FAM13A: variants seen among roughly 807,000 people sequenced by gnomAD.
FAM13A encodes protein FAM13A.
Under a neutral mutation model 129.6 loss-of-function variants are expected in FAM13A, and 76 were observed. The ratio of observed to expected loss-of-function variants is 0.59; its 90% confidence interval spans 0.49 to 0.71. The LOEUF is 0.71. Among genes scored for constraint, FAM13A ranks in the 30% least tolerant of loss-of-function variants. The pLI is 0.00. For missense variants in FAM13A, 1,108 were observed against 1,249.3 expected (o/e 0.89, Z 1.70); for synonymous variants, 443 against 449.9 (o/e 0.98, Z 0.20).
chr4:89,052,787 C>A (rs1039018110), intron 1 of FAM13A, among the ~76,000 whole-genome samples: 18 of 152,050 alleles, frequency 1.2e-4, no homozygotes, highest in Non-Finnish European at 2.6e-4. Context: ...TTTTCCAAAT[C>A]TTTAAGTTCT....
intron 18 of FAM13A, 84 bp downstream of exon 18, chr4:88,747,547 A>T: frequency 9.0e-7 from 1 of 1,112,404 alleles, no homozygotes; most frequent in Non-Finnish European, 1.4e-6. Flanking sequence ...TCATCTTCCC[A>T]CTGGGATTCA....
At chr4:88,803,401 T>C (rs1021267215) in intron 8 of FAM13A, among the ~76,000 whole-genome samples, 1 of 152,210 alleles carries the variant, frequency 6.6e-6, no homozygotes, top group East Asian at 1.9e-4. Context: ...AGTAAATATA[T>C]TATTGATTTT....
chr4:88,869,047 C>T (rs1211061027), intron 6 of FAM13A, among the ~76,000 whole-genome samples: 1 of 152,184 alleles, frequency 6.6e-6, no homozygotes, highest in East Asian at 1.9e-4. Flanking sequence ...AGGGCTAGGA[C>T]TCAAACCATT....
chr4:88,829,677 C>G (rs1248645848), intron 7 of FAM13A, among the ~76,000 whole-genome samples: 2 of 152,066 alleles, frequency 1.3e-5, no homozygotes, highest in Non-Finnish European at 2.9e-5. Context: ...TCTGGGCTTA[C>G]AGGACAATAT....
chr4:88,809,110 T>G (rs1187185334), intron 7 of FAM13A, among the ~76,000 whole-genome samples: 2 of 152,178 alleles, frequency 1.3e-5, no homozygotes, highest in African/African-American at 2.4e-5. Flanking sequence ...AGCCACAGAA[T>G]GCAGTGCAAT....
At chr4:89,005,650 A>G (rs942865827) in intron 3 of FAM13A, among the ~76,000 whole-genome samples, 2 of 152,090 alleles carry the variant, frequency 1.3e-5, no homozygotes, top group African/African-American at 4.8e-5. Context: ...TCCAATTTGT[A>G]TTTCTCTAAT....
chr4:88,776,696 C>G (rs557173812), intron 11 of FAM13A, among the ~76,000 whole-genome samples: 1 of 151,998 alleles, frequency 6.6e-6, no homozygotes, highest in South Asian at 2.1e-4. Flanking sequence ...ACCTAGTGGC[C>G]GAGTGTGGTG....
intron 6 of FAM13A, among the ~76,000 whole-genome samples, chr4:88,888,692 G>A (rs529668326): frequency 2.6e-5 from 4 of 151,918 alleles, no homozygotes; most frequent in South Asian, 4.2e-4. Context: ...TTGGGAGGCC[G>A]AGGCGGGCGG....
intron 7 of FAM13A, among the ~76,000 whole-genome samples, chr4:88,823,840 G>A (rs1015589773): frequency 1.3e-5 from 2 of 152,160 alleles, no homozygotes; most frequent in African/African-American, 2.4e-5. Context: ...GAGGATACGT[G>A]CCCTAAGTCT....
chr4:89,007,111 G>A (rs527683008), intron 3 of FAM13A, among the ~76,000 whole-genome samples: 5 of 152,270 alleles, frequency 3.3e-5, no homozygotes, highest in East Asian at 3.9e-4. Context: ...CCTCTTGTCC[G>A]TATCATTATC....
intron 8 of FAM13A, among the ~76,000 whole-genome samples, chr4:88,798,229 T>A (rs971339667): frequency 2.5e-4 from 38 of 152,126 alleles, no homozygotes; most frequent in African/African-American, 8.9e-4. Flanking sequence ...GGAAACAAAT[T>A]TGTGGTTTGT....
At chr4:88,945,990 G>GTGTGTCTATATATA in intron 4 of FAM13A, among the ~76,000 whole-genome samples, 1 of 61,966 alleles carries the variant, frequency 1.6e-5, no homozygotes, top group Non-Finnish European at 2.9e-5. Context: ...GTGTGTGTGT[G>GTGTGTCTATATATA]TATATATATA....
chr4:88,866,611 CA>C (rs898937716), intron 6 of FAM13A, among the ~76,000 whole-genome samples: 8 of 150,754 alleles, frequency 5.3e-5, no homozygotes, highest in Middle Eastern at 3.2e-3. Flanking sequence ...GTCCAGAATA[CA>C]AAAAAAAATC....
At chr4:88,848,222 G>T (rs185091213) in intron 7 of FAM13A, among the ~76,000 whole-genome samples, 1 of 152,066 alleles carries the variant, frequency 6.6e-6, no homozygotes, top group African/African-American at 2.4e-5. Context: ...AAGGTGTCCT[G>T]CCTAGCACTG....
intron 9 of FAM13A, 45 bp downstream of exon 9, chr4:88,790,541 A>T: frequency 6.9e-7 from 1 of 1,446,870 alleles, no homozygotes; most frequent in African/African-American, 1.4e-5. Context: ...CAGGGCATTA[A>T]AAAAAAAAAA....
intron 3 of FAM13A, among the ~76,000 whole-genome samples, chr4:89,006,905 T>C (rs908398657): frequency 4.6e-5 from 7 of 152,136 alleles, no homozygotes; most frequent in African/African-American, 1.7e-4. Context: ...AGACACTCAG[T>C]CGCTTCTTCT....
intron 7 of FAM13A, among the ~76,000 whole-genome samples, chr4:88,834,210 C>A (rs1477999558): frequency 5.3e-4 from 70 of 132,096 alleles, no homozygotes; most frequent in South Asian, 1.2e-3. Flanking sequence ...CCATGCCTGG[C>A]AAAAAAAAAA....
At chr4:88,951,056 G>A (rs1756870861) in intron 4 of FAM13A, among the ~76,000 whole-genome samples, 1 of 152,206 alleles carries the variant, frequency 6.6e-6, no homozygotes, top group Non-Finnish European at 1.5e-5. Flanking sequence ...GCTGTAGGCT[G>A]GGAGGAGCAA....
At chr4:88,732,417 AAAC>A (rs1738032704) in intron 21 of FAM13A, 1 of 401,400 alleles carries the variant, frequency 2.5e-6, no homozygotes, top group Non-Finnish European at 4.4e-6. Flanking sequence ...TCAATAGAGA[AAAC>A]AGACTGCAAA....
Sources: allele counts gnomAD v4.1 joint callset (sites outside exome capture counted in the v4.1 genomes callset), GRCh38; gene constraint gnomAD v4.1.1; transcripts MANE v1.5; gene names NCBI Gene and HGNC (gene_info 2026-07-23, HGNC 2026-07-21).